Variants in POC1B observed in about 807,000 individuals in gnomAD.
The protein encoded by POC1B is POC1 centriolar protein B, also known as POC1 centriolar protein homolog B.
A neutral mutation model predicts 60.6 loss-of-function variants in POC1B; 44 were observed. The ratio of observed to expected loss-of-function variants is 0.73; its 90% CI spans 0.57 to 0.93. The LOEUF (loss-of-function observed/expected upper bound fraction) is 0.93. Among genes scored for constraint, POC1B ranks in the 40% least tolerant of loss-of-function variants. The probability of loss-of-function intolerance (pLI) is 0.00; values close to 1 mark genes in which losing one functional copy is unlikely to be tolerated. For synonymous variants in POC1B, 180 were observed against 198.9 expected (o/e 0.90, Z 0.80); for missense variants, 555 against 572.3 (o/e 0.97, Z 0.31).
intron 10 of POC1B, among the ~76,000 whole-genome samples, chr12:89,431,574 A>G (rs1374915456): frequency 1.3e-5 from 2 of 152,262 alleles, no homozygotes; most frequent in Non-Finnish European, 2.9e-5. Flanking sequence ...AAGAAAGACT[A>G]TATCATTTAT....
intron 10 of POC1B, among the ~76,000 whole-genome samples, chr12:89,438,458 AAAACAAAC>A (rs373774915): frequency 5.9e-5 from 9 of 152,332 alleles, no homozygotes; most frequent in South Asian, 2.1e-4. Flanking sequence ...CTCCGTCTCA[AAAACAAAC>A]AAACAAACAA....
chr12:89,524,862 G>A (rs1871286883), intron 2 of POC1B: 3 of 628,622 alleles, frequency 4.8e-6, no homozygotes, highest in Middle Eastern at 4.3e-4. Context: ...CACTCCTCCT[G>A]GTGGTTAGTT....
intron 10 of POC1B, among the ~76,000 whole-genome samples, chr12:89,431,167 T>A (rs892039634): frequency 1.3e-5 from 2 of 152,170 alleles, no homozygotes; most frequent in Non-Finnish European, 2.9e-5. Flanking sequence ...TAGATATACA[T>A]TCAATCAGTT....
chr12:89,478,518 C>T (rs1883203567), intron 4 of POC1B, among the ~76,000 whole-genome samples: 1 of 152,034 alleles, frequency 6.6e-6, no homozygotes, highest in Admixed American at 6.5e-5. Flanking sequence ...TGCTCTATCC[C>T]CAGACACAGT....
At chr12:89,522,815 AT>A in intron 2 of POC1B, 1 of 1,576,226 alleles carries the variant, frequency 6.3e-7, no homozygotes, top group Non-Finnish European at 8.6e-7. Context: ...GTTGTGCTCT[AT>A]TTCTCAAAAC....
intron 10 of POC1B, among the ~76,000 whole-genome samples, chr12:89,436,026 C>A (rs1881250563): frequency 6.6e-6 from 1 of 151,444 alleles, no homozygotes; most frequent in Non-Finnish European, 1.5e-5. Flanking sequence ...CTCACCACAA[C>A]CTCTGCCTCC....
At chr12:89,518,517 TGA>T (rs1870585384) in intron 2 of POC1B, among the ~76,000 whole-genome samples, 1 of 152,222 alleles carries the variant, frequency 6.6e-6, no homozygotes, top group Non-Finnish European at 1.5e-5. Context: ...TTTTAAAAAC[TGA>T]GATATTATTT....
intron 10 of POC1B, among the ~76,000 whole-genome samples, chr12:89,441,415 G>T (rs1255231879): frequency 6.6e-6 from 1 of 152,186 alleles, no homozygotes; most frequent in Non-Finnish European, 1.5e-5. Flanking sequence ...CTGAGACGAA[G>T]CTTCCAGAGG....
intron 10 of POC1B, among the ~76,000 whole-genome samples, chr12:89,445,713 T>C (rs1368981418): frequency 1.3e-5 from 2 of 152,150 alleles, no homozygotes; most frequent in Non-Finnish European, 2.9e-5. Flanking sequence ...ACTTCATGTC[T>C]AAAACACCAA....
chr12:89,520,080 TGAA>T (rs953125673), intron 2 of POC1B: 3 of 152,162 alleles, frequency 2.0e-5, no homozygotes, highest in African/African-American at 7.2e-5. Flanking sequence ...TGCCTAAATA[TGAA>T]AATGTGAAAG....
chr12:89,435,162 C>T (rs1053644849), intron 10 of POC1B, among the ~76,000 whole-genome samples: 3 of 149,600 alleles, frequency 2.0e-5, no homozygotes, highest in African/African-American at 7.4e-5. Flanking sequence ...ATAAAAATCT[C>T]CAGGAAGAAT....
At chr12:89,474,626 G>A (rs1229021129) in intron 4 of POC1B, among the ~76,000 whole-genome samples, 4 of 152,304 alleles carry the variant, frequency 2.6e-5, no homozygotes, top group African/African-American at 7.2e-5. Flanking sequence ...ATAAGTAACT[G>A]CCAGTGTTAT....
chr12:89,443,688 A>G (rs1161433899), intron 10 of POC1B, among the ~76,000 whole-genome samples: 1 of 151,616 alleles, frequency 6.6e-6, no homozygotes, highest in Non-Finnish European at 1.5e-5. Context: ...ATCACAATTA[A>G]AAGAACTAGA....
At chr12:89,500,282 C>G in intron 2 of POC1B, 2 of 1,542,400 alleles carry the variant, frequency 1.3e-6, no homozygotes, top group Non-Finnish European at 1.8e-6. Context: ...TAATTCAACA[C>G]GCAAAATAAA....
the POC1B span, among the ~76,000 whole-genome samples, chr12:89,404,607 G>T: frequency 1.3e-5 from 2 of 152,114 alleles, no homozygotes; most frequent in African/African-American, 4.8e-5. Flanking sequence ...AATTTTGAAT[G>T]ATTTCCTGCA....
At chr12:89,444,504 C>A (rs1361779039) in intron 10 of POC1B, among the ~76,000 whole-genome samples, 1 of 152,134 alleles carries the variant, frequency 6.6e-6, no homozygotes. Context: ...AAGACAAAAA[C>A]CACACAATTA....
At chr12:89,470,589 G>T in intron 6 of POC1B, 95 bp from the exon 7 acceptor site, 2 of 1,061,516 alleles carry the variant, frequency 1.9e-6, no homozygotes, top group Middle Eastern at 2.3e-4. Context: ...GTAAACAAGA[G>T]CACTGTTTCC....
At chr12:89,458,682 G>A (rs1882355122) in intron 10 of POC1B, among the ~76,000 whole-genome samples, 1 of 152,188 alleles carries the variant, frequency 6.6e-6, no homozygotes, top group African/African-American at 2.4e-5. Context: ...AGATCTATTA[G>A]AGAATTTGTA....
Position 89,514,402 on chromosome 12 carries a change from C to CTTTTTTTTTTTTTTTTTTT in POC1B, c.100+10699_100+10717dup, listed in dbSNP as rs60679774. On this transcript the variant is annotated intron_variant, in intron 2 of 11. Transcript: ENST00000313546. ...ATAAGTTACTCAGTTTCATGTATTT[C>CTTTTTTTTTTTTTTTTTTT]TTTTTTTTTTTTTTTTTTTTTTTTT... Among the ~76,000 whole-genome samples the CTTTTTTTTTTTTTTTTTTT allele has an allele frequency of 3.0e-4, 20 of 67,092 alleles. 3 individuals are homozygous for CTTTTTTTTTTTTTTTTTTT. The highest frequency in any genetic ancestry group is 1.4e-3 in the South Asian group (2 of 1,438). 44.0% of individuals were successfully genotyped at this position (67,092 alleles called of 152,430 possible). A position where few individuals can be genotyped will look rare whatever the true frequency, so the allele number is the denominator to read the frequency against.
Sources: gnomAD v4.1 joint callset for allele counts (sites outside exome capture counted in the v4.1 genomes callset) on GRCh38, gnomAD v4.1.1 for gene constraint, MANE v1.5 for transcripts, NCBI Gene and HGNC (gene_info 2026-07-23, HGNC 2026-07-21) for gene names.